Variants in IL1R1 observed in about 807,000 individuals in gnomAD.
IL1R1 encodes the protein interleukin 1 receptor type 1, also known as interleukin-1 receptor type 1.
In IL1R1, 22 loss-of-function variants were observed where a neutral mutation model predicts 50.2. That is an observed-to-expected ratio of 0.44 (90% confidence interval 0.31 to 0.63). IL1R1 has a LOEUF of 0.63. IL1R1 is among the 20% of genes least tolerant of loss of function. The pLI, the probability that IL1R1 is intolerant of heterozygous loss-of-function variation, is 0.07. For synonymous variants in IL1R1, 251 were observed against 236.7 expected (o/e 1.06, Z -0.55); for missense variants, 509 against 676.2 (o/e 0.75, Z 2.74).
At position 102,178,678 on chromosome 2, in the gene IL1R1, C is replaced by G. The variant is rs1686342719; in HGVS notation, c.*1919C>G. The G allele has an allele frequency of 6.6e-6, 1 of 152,272 alleles. No homozygotes were observed. Among genetic ancestry groups the G allele is most frequent in the Admixed American group, 6.5e-5 (1 of 15,276 alleles). 9.4% of individuals were successfully genotyped at this position (152,272 alleles called of 1,614,324 possible). On this transcript the variant is annotated 3_prime_UTR_variant, in exon 12 of 12. Transcript: ENST00000410023. ...TGCTTTTATTCAAGACACCAAATTC[C>G]AAACTTCTAAATGTTGGAATTTTCA...
At chr2:102,146,565 G>A (rs1683141580) in intron 1 of IL1R1, among the ~76,000 whole-genome samples, 1 of 152,190 alleles carries the variant, frequency 6.6e-6, no homozygotes, top group African/African-American at 2.4e-5. Context: ...AAATGCCACT[G>A]AAGGATGAAT....
upstream of IL1R1, among the ~76,000 whole-genome samples, chr2:102,103,990 G>GA (rs72041212): frequency 0.51 from 42,531 of 83,866 alleles, 10,689 homozygotes; most frequent in African/African-American, 0.56. Context: ...GACTGTCTCA[G>GA]AAAAAAAAAA....
At chr2:102,131,624 G>A (rs55914569) in intron 1 of IL1R1, among the ~76,000 whole-genome samples, 23,382 of 146,744 alleles carry the variant, frequency 0.16, 1,963 homozygotes, top group South Asian at 0.22. Flanking sequence ...TCAGTGAATC[G>A]AAAGACATAA....
intron 1 of IL1R1, among the ~76,000 whole-genome samples, chr2:102,149,478 T>A (rs1033009333): frequency 3.9e-5 from 6 of 152,150 alleles, no homozygotes; most frequent in Non-Finnish European, 5.9e-5. Context: ...CGGGCTCTGC[T>A]CTGCAGCTTG....
At position 102,176,698 on chromosome 2, in the gene IL1R1, A is replaced by T. The variant is rs1178570465; in HGVS notation, c.1649A>T (p.Gln550Leu). The change falls in exon 12 of 12, where the codon CAG becomes CTG. Residue 550 changes from glutamine to leucine, a missense_variant. Physicochemically the swap from Gln to Leu is moderately radical, Grantham distance 113 (BLOSUM62 -2). Transcript: ENST00000410023. ...VQRRSPSSKH[Q>L]LLSPATKEKL... ...CGACGGTCACCTTCATCTAAACACC[A>T]GTTACTGTCACCAGCCACTAAGGAG... is the stretch of plus-strand genomic sequence containing the variant. The T allele has an allele frequency of 1.9e-6, 3 of 1,614,196 alleles. No individual in the cohort carries two copies. The highest frequency in any genetic ancestry group is 2.5e-6 in the Non-Finnish European group (3 of 1,180,024).
At chr2:102,174,775 G>T (rs202104106) in intron 10 of IL1R1, 45 bp downstream of exon 10, 3 of 1,512,458 alleles carry the variant, frequency 2.0e-6, no homozygotes, top group East Asian at 2.3e-5. Flanking sequence ...GGAGATAAGG[G>T]ATAGTTAGGA....
chr2:102,169,184 A>G (rs193181535), intron 7 of IL1R1, among the ~76,000 whole-genome samples: 1 of 152,308 alleles, frequency 6.6e-6, no homozygotes, highest in East Asian at 1.9e-4. Flanking sequence ...GACCAGATCC[A>G]AGCTTTGAGT....
intron 8 of IL1R1, 133 bp from the exon 9 acceptor site, chr2:102,172,554 G>A: frequency 9.5e-7 from 1 of 1,052,008 alleles, no homozygotes; most frequent in Non-Finnish European, 1.3e-6. Context: ...TGAATGTTGT[G>A]ACTGTGATTG....
chr2:102,152,126 G>T (rs1418843513), intron 1 of IL1R1, among the ~76,000 whole-genome samples: 2 of 152,078 alleles, frequency 1.3e-5, no homozygotes, highest in Admixed American at 1.3e-4. Flanking sequence ...GGTCGCTTCA[G>T]CAATGGATGA....
intron 1 of IL1R1, among the ~76,000 whole-genome samples, chr2:102,078,616 A>T (rs1001223294): frequency 1.3e-5 from 2 of 151,552 alleles, no homozygotes; most frequent in African/African-American, 4.8e-5. Context: ...AAAAAAAGGA[A>T]AAAAGCCCAT....
At chr2:102,101,545 G>A (rs1018030899), upstream of IL1R1, among the ~76,000 whole-genome samples, 5 of 152,154 alleles carry the variant, frequency 3.3e-5, no homozygotes, top group South Asian at 2.1e-4. Context: ...CATACTGTAC[G>A]TGCTTCTTCC....
chr2:102,097,467 G>T (rs937664496), intron 1 of IL1R1, among the ~76,000 whole-genome samples: 1 of 151,912 alleles, frequency 6.6e-6, no homozygotes, highest in African/African-American at 2.4e-5. Context: ...CTAAAGCTTT[G>T]TAATAAGTTT....
intron 8 of IL1R1, chr2:102,172,164 T>C: frequency 1.8e-6 from 1 of 564,126 alleles, no homozygotes; most frequent in Non-Finnish European, 2.2e-6. Context: ...ACGTTATACA[T>C]GTTGCAACAT....
At chr2:102,080,357 G>A (rs1679152874) in intron 1 of IL1R1, among the ~76,000 whole-genome samples, 1 of 152,250 alleles carries the variant, frequency 6.6e-6, no homozygotes, top group Admixed American at 6.5e-5. Context: ...TCCATAATAT[G>A]CACAAATCTC....
At chr2:102,135,030 G>A (rs1398405595) in intron 1 of IL1R1, among the ~76,000 whole-genome samples, 1 of 152,174 alleles carries the variant, frequency 6.6e-6, no homozygotes, top group Non-Finnish European at 1.5e-5. Context: ...GAACAAGGCA[G>A]AGGACCATAA....
intron 3 of IL1R1, among the ~76,000 whole-genome samples, chr2:102,160,644 C>G (rs1334234233): frequency 6.6e-6 from 1 of 152,204 alleles, no homozygotes; most frequent in African/African-American, 2.4e-5. Flanking sequence ...GTTACCCCAG[C>G]CTCAATCAAC....
intron 1 of IL1R1, among the ~76,000 whole-genome samples, chr2:102,118,721 G>A (rs1194462435): frequency 6.6e-6 from 1 of 152,132 alleles, no homozygotes; most frequent in Non-Finnish European, 1.5e-5. Flanking sequence ...TGCAGGTATA[G>A]AAAAGGAAAA....
intron 1 of IL1R1, among the ~76,000 whole-genome samples, chr2:102,081,746 G>A (rs1679217212): frequency 6.6e-6 from 1 of 152,210 alleles, no homozygotes; most frequent in African/African-American, 2.4e-5. Flanking sequence ...TACACTGGAA[G>A]TCCTAATGGC....
At chr2:102,112,059 A>C (rs1285370937) in intron 1 of IL1R1, among the ~76,000 whole-genome samples, 2 of 152,020 alleles carry the variant, frequency 1.3e-5, no homozygotes, top group Non-Finnish European at 2.9e-5. Flanking sequence ...ATCGTCTTTC[A>C]TGCTGGCCAC....
Sources: gnomAD v4.1 joint callset for allele counts (sites outside exome capture counted in the v4.1 genomes callset) on GRCh38, gnomAD v4.1.1 for gene constraint, MANE v1.5 for transcripts, NCBI Gene and HGNC (gene_info 2026-07-23, HGNC 2026-07-21) for gene names.